KCNH7: variants seen among roughly 807,000 people sequenced by gnomAD.
KCNH7 encodes voltage-gated inwardly rectifying potassium channel KCNH7.
In KCNH7, 49 loss-of-function variants were observed where a neutral mutation model predicts 120.8. The ratio of observed to expected loss-of-function variants is 0.41; its 90% CI spans 0.32 to 0.51. The LOEUF is 0.51. Among genes scored for constraint, KCNH7 ranks in the 20% least tolerant of loss-of-function variants. KCNH7 has a pLI of 0.38. For synonymous variants in KCNH7, 547 were observed against 516.1 expected (o/e 1.06, Z -0.81); for missense variants, 1,097 against 1,446.6 (o/e 0.76, Z 3.92).
intron 2 of KCNH7, among the ~76,000 whole-genome samples, chr2:162,814,986 A>G (rs1223650489): frequency 6.6e-6 from 1 of 152,128 alleles, no homozygotes. Flanking sequence ...GTTTTCCTAC[A>G]TTTGAATTCC....
intron 7 of KCNH7, among the ~76,000 whole-genome samples, chr2:162,443,086 A>T (rs187200685): frequency 2.4e-4 from 37 of 152,272 alleles, no homozygotes; most frequent in Middle Eastern, 3.4e-3. Context: ...TAAAAAGTGT[A>T]GGTTTTAAGG....
chr2:162,806,795 G>A (rs1191987657), intron 2 of KCNH7, among the ~76,000 whole-genome samples: 1 of 152,076 alleles, frequency 6.6e-6, no homozygotes, highest in African/African-American at 2.4e-5. Flanking sequence ...TTAAGGAGTA[G>A]TGATTTTTTG....
chr2:162,435,166 C>A, intron 8 of KCNH7, 32 bp downstream of exon 8: 3 of 1,565,448 alleles, frequency 1.9e-6, no homozygotes, highest in Non-Finnish European at 2.6e-6. Context: ...ATTATTCTAT[C>A]CTAATAGACA....
chr2:162,405,283 A>G (rs1367870672), intron 9 of KCNH7, among the ~76,000 whole-genome samples: 1 of 152,012 alleles, frequency 6.6e-6, no homozygotes, highest in African/African-American at 2.4e-5. Flanking sequence ...CTTTTAAGTG[A>G]ATATGAAATG....
In KCNH7 at chr2:162,587,306, C is replaced by T. The variant is rs1014978198; in HGVS notation, c.308-50226G>A. On this transcript the variant is annotated intron_variant, in intron 2 of 15. Transcript: ENST00000332142. ...GGGAAATTGTCATGGGAATATTGGACGCAAACAAAACTTTTAGAATACAGT... is the reference window on the plus strand; with the variant it reads ...GGGAAATTGTCATGGGAATATTGGATGCAAACAAAACTTTTAGAATACAGT... 2.8e-4 allele frequency among the ~76,000 whole-genome samples: 42 copies of T among 151,994 alleles called. 1 individual carries two copies. Among genetic ancestry groups the T allele is most frequent in the African/African-American group, 7.5e-4 (31 of 41,388 alleles).
At chr2:162,501,651 T>C (rs1690689718) in intron 6 of KCNH7, among the ~76,000 whole-genome samples, 1 of 152,056 alleles carries the variant, frequency 6.6e-6, no homozygotes, top group African/African-American at 2.4e-5. Context: ...CTTGCTTCCT[T>C]GTTCATAAAT....
chr2:162,679,749 G>C (rs551272108), intron 2 of KCNH7, among the ~76,000 whole-genome samples: 6 of 151,416 alleles, frequency 4.0e-5, no homozygotes, highest in Admixed American at 2.0e-4. Flanking sequence ...AACAAGGCAG[G>C]GTTCAGCTTT....
intron 3 of KCNH7, among the ~76,000 whole-genome samples, chr2:162,520,612 C>CA (rs1482219101): frequency 4.0e-5 from 6 of 151,294 alleles, no homozygotes; most frequent in African/African-American, 1.2e-4. Flanking sequence ...AAAACAACAA[C>CA]AACAAAAAAA....
At chr2:162,581,751 T>C (rs957467958) in intron 2 of KCNH7, among the ~76,000 whole-genome samples, 2 of 152,092 alleles carry the variant, frequency 1.3e-5, no homozygotes, top group Admixed American at 1.3e-4. Context: ...AAATGTGATA[T>C]CAAATGCCAG....
intron 2 of KCNH7, among the ~76,000 whole-genome samples, chr2:162,825,250 C>T (rs569964829): frequency 2.6e-5 from 4 of 151,904 alleles, no homozygotes; most frequent in African/African-American, 7.2e-5. Flanking sequence ...TCAAGAGATC[C>T]TCATTGCTCC....
chr2:162,793,853 T>G (rs769073685), intron 2 of KCNH7, among the ~76,000 whole-genome samples: 1 of 151,986 alleles, frequency 6.6e-6, no homozygotes, highest in Non-Finnish European at 1.5e-5. Flanking sequence ...TTGCCTTACA[T>G]GTAAATATAA....
intron 2 of KCNH7, among the ~76,000 whole-genome samples, chr2:162,631,397 G>A (rs1400373234): frequency 6.6e-6 from 1 of 151,984 alleles, no homozygotes; most frequent in African/African-American, 2.4e-5. Flanking sequence ...GTGTAACAGG[G>A]GTGGTTAAGA....
chr2:162,490,158 G>A (rs1359332658), intron 6 of KCNH7, among the ~76,000 whole-genome samples: 1 of 152,254 alleles, frequency 6.6e-6, no homozygotes, highest in Non-Finnish European at 1.5e-5. Context: ...TACACCAGAT[G>A]TTTTGTGCAG....
chr2:162,732,492 TAG>T (rs72390957), intron 2 of KCNH7, among the ~76,000 whole-genome samples: 18,291 of 152,080 alleles, frequency 0.12, 1,270 homozygotes, highest in East Asian at 0.34. Flanking sequence ...TGGTTAAAGA[TAG>T]AGTGCTTTAA....
chr2:162,698,609 G>A (rs1049468512), intron 2 of KCNH7, among the ~76,000 whole-genome samples: 5 of 151,990 alleles, frequency 3.3e-5, no homozygotes, highest in African/African-American at 7.2e-5. Flanking sequence ...ATATTAGAAA[G>A]AGCACCGCTT....
chr2:162,753,738 G>A (rs947474863), intron 2 of KCNH7, among the ~76,000 whole-genome samples: 5 of 152,108 alleles, frequency 3.3e-5, no homozygotes, highest in Non-Finnish European at 5.9e-5. Context: ...GGAACAAGCT[G>A]CTCACCCTTC....
At chr2:162,424,942 G>A (rs924253916) in intron 8 of KCNH7, among the ~76,000 whole-genome samples, 2 of 152,182 alleles carry the variant, frequency 1.3e-5, no homozygotes, top group African/African-American at 4.8e-5. Flanking sequence ...TTCTGGGTGT[G>A]TCTGTAAGGG....
intron 3 of KCNH7, among the ~76,000 whole-genome samples, chr2:162,535,831 A>G (rs555150138): frequency 6.6e-6 from 1 of 151,934 alleles, no homozygotes; most frequent in Admixed American, 6.6e-5. Flanking sequence ...AGATCAACAG[A>G]ACAGAATAGA....
chr2:162,549,246 G>C (rs943532398), intron 2 of KCNH7, among the ~76,000 whole-genome samples: 4 of 152,158 alleles, frequency 2.6e-5, no homozygotes, highest in South Asian at 2.1e-4. Context: ...CTCAGCTCCA[G>C]CTTTAGAATT....
Sources: allele counts gnomAD v4.1 joint callset (sites outside exome capture counted in the v4.1 genomes callset), GRCh38; gene constraint gnomAD v4.1.1; transcripts MANE v1.5; gene names NCBI Gene and HGNC (gene_info 2026-07-23, HGNC 2026-07-21).